The following INPP4B variants were observed in gnomAD, a reference collection of about 807,000 sequenced individuals.
INPP4B encodes inositol polyphosphate 4-phosphatase type II.
In INPP4B, 55 loss-of-function variants were observed where a neutral mutation model predicts 122.5. That is an observed-to-expected ratio of 0.45 (90% CI 0.36 to 0.56). The LOEUF (loss-of-function observed/expected upper bound fraction) is 0.56, where lower values mean the gene tolerates loss of function less well. Among genes scored for constraint, INPP4B ranks in the 20% least tolerant of loss-of-function variants. The probability of loss-of-function intolerance (pLI) is 0.00; values close to 1 mark genes in which losing one functional copy is unlikely to be tolerated. For missense variants in INPP4B, 1,000 were observed against 1,097.7 expected (o/e 0.91, Z 1.26); for synonymous variants, 403 against 388.7 (o/e 1.04, Z -0.43).
intron 5 of INPP4B, among the ~76,000 whole-genome samples, chr4:142,415,563 A>G (rs1330731067): frequency 6.6e-6 from 1 of 151,996 alleles, no homozygotes; most frequent in East Asian, 1.9e-4. Context: ...TGGGACTGTA[A>G]ACTAGTTCAA....
chr4:142,210,336 C>T (rs1361697441), intron 12 of INPP4B, among the ~76,000 whole-genome samples: 1 of 152,154 alleles, frequency 6.6e-6, no homozygotes, highest in Non-Finnish European at 1.5e-5. Flanking sequence ...CAATTTTCAT[C>T]TGAGGTCTTT....
intron 22 of INPP4B, 58 bp from the exon 23 acceptor site, chr4:142,108,248 C>T (rs1369981421): frequency 2.4e-6 from 2 of 835,620 alleles, no homozygotes; most frequent in Non-Finnish European, 4.0e-6. Flanking sequence ...AAAAGTAACA[C>T]ATTTTACCTT....
At chr4:142,186,378 A>C (rs1425479453) in intron 15 of INPP4B, among the ~76,000 whole-genome samples, 1 of 151,306 alleles carries the variant, frequency 6.6e-6, no homozygotes, top group Non-Finnish European at 1.5e-5. Flanking sequence ...TCACAAAGAC[A>C]GTATGTGACA....
chr4:142,685,741 C>G (rs750231627), intron 2 of INPP4B, among the ~76,000 whole-genome samples: 7 of 152,116 alleles, frequency 4.6e-5, no homozygotes, highest in Non-Finnish European at 1.0e-4. Flanking sequence ...CCCTGGGAGA[C>G]AGAGTTAGAC....
chr4:142,405,169 G>C (rs769234611), intron 6 of INPP4B, 37 bp downstream of exon 6: 1 of 1,229,362 alleles, frequency 8.1e-7, no homozygotes, highest in Non-Finnish European at 1.2e-6. Context: ...AAGAGAGAGA[G>C]AGAGAGAGAG....
rs189949196 is a variant in INPP4B, at chr4:142,800,192, C to T, written c.-254+46017G>A. ...TGAAAATGAGTGAGAAAACATGATG[C>T]CTTTTAGGTTGAATGTACGTACAGC... On this transcript the variant is annotated intron_variant, in intron 1 of 25. Transcript: ENST00000262992. Among the ~76,000 whole-genome samples the T allele has an allele frequency of 1.7e-3, 266 of 152,140 alleles. 2 individuals carry two copies. Among genetic ancestry groups the T allele is most frequent in the Non-Finnish European group, 1.7e-3 (115 of 67,952 alleles).
At chr4:142,678,159 A>C (rs188955868) in intron 2 of INPP4B, among the ~76,000 whole-genome samples, 2 of 152,064 alleles carry the variant, frequency 1.3e-5, no homozygotes, top group Admixed American at 1.3e-4. Context: ...TTAGAATACT[A>C]TGATGACAGG....
rs560894436 is a variant in INPP4B at position 142,532,993 on chromosome 4, T to C, written c.-190-70267A>G. On this transcript the variant is annotated intron_variant, in intron 2 of 25. Coordinates refer to ENST00000262992, the MANE Select transcript of INPP4B (RefSeq NM_001101669.3). The stretch of plus-strand genomic sequence containing the variant: ...TTTTAAATATTAATGCTGAGAGAGA[T>C]TCAGATGCCACTAATGCATTAGAAA... 3.9e-5 allele frequency among the ~76,000 whole-genome samples: 6 copies of C among 152,226 alleles called. No individual in the cohort carries two copies. The East Asian group carries it at 5.8e-4, about 15-fold the overall frequency.
intron 2 of INPP4B, among the ~76,000 whole-genome samples, chr4:142,558,793 T>TAAAAAAAAAAAAAA (rs34151070): frequency 4.6e-4 from 35 of 75,542 alleles, no homozygotes; most frequent in Admixed American, 2.3e-3. Context: ...AGACTCCCTC[T>TAAAAAAAAAAAAAA]AAAAAAAAAA....
chr4:142,105,467 A>C (rs1231415492), intron 23 of INPP4B, among the ~76,000 whole-genome samples: 1 of 152,196 alleles, frequency 6.6e-6, no homozygotes, highest in East Asian at 1.9e-4. Flanking sequence ...ATATAACAGA[A>C]TTAGAAGACA....
intron 2 of INPP4B, among the ~76,000 whole-genome samples, chr4:142,627,281 A>G (rs1746675734): frequency 1.3e-5 from 2 of 151,414 alleles, no homozygotes; most frequent in East Asian, 1.9e-4. Context: ...CAGAACTTCC[A>G]ACACTATGTT....
chr4:142,726,537 T>C (rs749132103), intron 1 of INPP4B, among the ~76,000 whole-genome samples: 1 of 152,204 alleles, frequency 6.6e-6, no homozygotes, highest in Non-Finnish European at 1.5e-5. Context: ...TGTATAACAA[T>C]CTTGAGGAGT....
chr4:142,116,510 A>C (rs1373901093), intron 21 of INPP4B, among the ~76,000 whole-genome samples: 5 of 152,164 alleles, frequency 3.3e-5, no homozygotes, highest in African/African-American at 1.2e-4. Context: ...TAAGAAACTC[A>C]CTCAAAACTG....
chr4:142,668,893 C>CAA (rs1037665372), intron 2 of INPP4B, among the ~76,000 whole-genome samples: 3 of 137,644 alleles, frequency 2.2e-5, no homozygotes, highest in African/African-American at 8.0e-5. Context: ...CTAGAAAATA[C>CAA]AAAAAAAAAA....
chr4:142,048,898 C>G (rs1752985951), intron 25 of INPP4B, among the ~76,000 whole-genome samples: 1 of 151,796 alleles, frequency 6.6e-6, no homozygotes, highest in African/African-American at 2.4e-5. Flanking sequence ...TAAAATAGGA[C>G]CAGGGTGGCA....
chr4:142,305,492 T>G lies in INPP4B; in HGVS notation c.469A>C (p.Lys157Gln). 2 of 1,613,046 alleles carry G rather than the reference T, an allele frequency of 1.2e-6. No homozygotes were observed. The highest frequency in any genetic ancestry group is 1.7e-6 in the Non-Finnish European group (2 of 1,179,372). ...AGGACCAGCAATTGCTCCTTTGACT[T>G]CAGCAGCTCTCCCACTTTAAAACTG... is the stretch of plus-strand genomic sequence containing the variant. ...YASFKVGELLKSKEQLLVLSL... is the reference protein window; with the variant it reads ...YASFKVGELLQSKEQLLVLSL... Residue 157 changes from lysine (K) to glutamine (Q), a missense_variant, in exon 9 of 26, where the codon AAG becomes CAG. Lys to Gln is a moderately conservative substitution (Grantham distance 53). Coordinates refer to ENST00000262992, the MANE Select transcript of INPP4B (RefSeq NM_001101669.3).
chr4:142,696,127 G>C (rs1312033490), intron 2 of INPP4B, among the ~76,000 whole-genome samples: 1 of 152,150 alleles, frequency 6.6e-6, no homozygotes, highest in Non-Finnish European at 1.5e-5. Flanking sequence ...TAGAAGGGCA[G>C]TGTTTACAGT....
At chr4:142,782,057 G>C (rs1774922051) in intron 1 of INPP4B, among the ~76,000 whole-genome samples, 1 of 151,686 alleles carries the variant, frequency 6.6e-6, no homozygotes, top group Non-Finnish European at 1.5e-5. Flanking sequence ...ATGTATACAT[G>C]TGCCATGCTG....
chr4:142,761,542 T>C (rs982054396), intron 1 of INPP4B, among the ~76,000 whole-genome samples: 1 of 152,204 alleles, frequency 6.6e-6, no homozygotes, highest in Non-Finnish European at 1.5e-5. Flanking sequence ...ATTTGAATTT[T>C]ATAAAAAGAG....
Sources: allele counts gnomAD v4.1 joint callset (sites outside exome capture counted in the v4.1 genomes callset), GRCh38; gene constraint gnomAD v4.1.1; transcripts MANE v1.5; gene names NCBI Gene and HGNC (gene_info 2026-07-23, HGNC 2026-07-21).